RNF152: variants seen among roughly 807,000 people sequenced by gnomAD.
The protein encoded by RNF152 is E3 ubiquitin-protein ligase RNF152.
Under a neutral mutation model 12.7 loss-of-function variants are expected in RNF152, and 11 were observed. The observed-to-expected ratio is 0.86, with a 90% CI of 0.54 to 1.43. RNF152 has a LOEUF of 1.43. Ranked by LOEUF, RNF152 falls within the 40% of genes most tolerant of loss-of-function variation. RNF152 has a pLI of 0.00. For missense variants in RNF152, 255 were observed against 274.8 expected (o/e 0.93, Z 0.51); for synonymous variants, 113 against 120.3 (o/e 0.94, Z 0.40).
At chr18:61,827,927 A>C (rs1909746740) in intron 1 of RNF152, among the ~76,000 whole-genome samples, 1 of 152,236 alleles carries the variant, frequency 6.6e-6, no homozygotes, top group Non-Finnish European at 1.5e-5. Context: ...CAGCGGTGCA[A>C]CCCAACACCA....
chr18:61,832,834 A>G (rs941783149), intron 1 of RNF152, among the ~76,000 whole-genome samples: 15 of 152,242 alleles, frequency 9.9e-5, no homozygotes, highest in Non-Finnish European at 2.9e-5. Flanking sequence ...TCAATCACCA[A>G]ATAGTAATTA....
intron 1 of RNF152, among the ~76,000 whole-genome samples, chr18:61,885,330 C>T (rs1332725341): frequency 9.5e-6 from 1 of 105,448 alleles, no homozygotes. Flanking sequence ...TTGTTTGAGA[C>T]AGAGCCTCGG....
Position 61,809,320 on chromosome 18 carries a change from GCTACTGTGTT to G in RNF152, c.*6522_*6531del, listed in dbSNP as rs1399566847. On this transcript the variant is annotated 3_prime_UTR_variant, in exon 2 of 2. Transcript: ENST00000312828. ...TCCTAAAGCACAGTGTAAGGTACCA[GCTACTGTGTT>G]CTCCCACTATTTAACAGAGGTATCA... 1 of 152,024 alleles carries G rather than the reference GCTACTGTGTT, an allele frequency of 6.6e-6. No individual in the cohort carries two copies. The highest frequency in any genetic ancestry group is 1.5e-5 in the Non-Finnish European group (1 of 68,030). The allele number at this position is 152,024 out of a possible 1,614,324, so 9.4% of individuals were successfully genotyped here.
intron 1 of RNF152, among the ~76,000 whole-genome samples, chr18:61,850,447 C>T (rs1458894358): frequency 6.6e-6 from 1 of 152,120 alleles, no homozygotes; most frequent in Non-Finnish European, 1.5e-5. Context: ...TTATTCTATA[C>T]CCTTAAAATA....
rs556382199 is a variant in RNF152 at position 61,863,389 on chromosome 18, C to G, written c.-136+29406G>C. Among the ~76,000 whole-genome samples, 3 of 146,090 alleles carry G rather than the reference C, an allele frequency of 2.1e-5. No homozygotes were observed. In the Admixed American group the frequency reaches 2.1e-4, roughly 10 times the overall value. ...AGTGGAGGTTGCAGTGAGCGGCGAT[C>G]GTGCCACCGCACTCCAGCCTGGCAA... is the stretch of plus-strand genomic sequence containing the variant. On this transcript the variant is annotated intron_variant, in intron 1 of 1. Transcript: ENST00000312828.
At chr18:61,875,278 C>T (rs375681546) in intron 1 of RNF152, among the ~76,000 whole-genome samples, 1 of 152,206 alleles carries the variant, frequency 6.6e-6, no homozygotes, top group African/African-American at 2.4e-5. Context: ...CTATATGGAA[C>T]AGTCCTTAAG....
intron 1 of RNF152, among the ~76,000 whole-genome samples, chr18:61,843,550 C>T (rs576694293): frequency 6.6e-6 from 1 of 152,182 alleles, no homozygotes; most frequent in East Asian, 1.9e-4. Flanking sequence ...GGGAAAATAC[C>T]CAAATGCCCA....
chr18:61,817,873 T>G (rs912703790), intron 1 of RNF152, among the ~76,000 whole-genome samples: 1 of 152,132 alleles, frequency 6.6e-6, no homozygotes, highest in African/African-American at 2.4e-5. Flanking sequence ...TGACTCAGTT[T>G]CCCATTGAAA....
chr18:61,844,094 G>GAA (rs1568275238), intron 1 of RNF152, among the ~76,000 whole-genome samples: 1 of 110,256 alleles, frequency 9.1e-6, no homozygotes, highest in Non-Finnish European at 2.0e-5. Context: ...AAGAAAGAAA[G>GAA]AAAGAAAGAA....
At chr18:61,882,222 T>C (rs1319562157) in intron 1 of RNF152, among the ~76,000 whole-genome samples, 1 of 152,238 alleles carries the variant, frequency 6.6e-6, no homozygotes, top group Non-Finnish European at 1.5e-5. Flanking sequence ...ATCCAAAACA[T>C]AGATTAGCCT....
intron 1 of RNF152, among the ~76,000 whole-genome samples, chr18:61,817,457 G>T (rs561549542): frequency 6.6e-6 from 1 of 152,076 alleles, no homozygotes; most frequent in Admixed American, 6.6e-5. Flanking sequence ...GAATAGATAC[G>T]GTCAGCCCTT....
At chr18:61,848,528 C>A (rs978066218) in intron 1 of RNF152, among the ~76,000 whole-genome samples, 1 of 152,210 alleles carries the variant, frequency 6.6e-6, no homozygotes, top group African/African-American at 2.4e-5. Context: ...CACAGCCCCC[C>A]AGGCTGTACG....
chr18:61,866,584 C>T (rs1168789249), intron 1 of RNF152, among the ~76,000 whole-genome samples: 1 of 152,212 alleles, frequency 6.6e-6, no homozygotes, highest in African/African-American at 2.4e-5. Flanking sequence ...CCAGCCTCAT[C>T]CAACCTATGC....
chr18:61,826,009 T>C (rs780641160), intron 1 of RNF152, among the ~76,000 whole-genome samples: 2 of 152,240 alleles, frequency 1.3e-5, no homozygotes, highest in African/African-American at 2.4e-5. Flanking sequence ...ATCCAGCTTC[T>C]AGGCTTTGCG....
rs537091949 is a variant in RNF152 at position 61,859,810 on chromosome 18, T to C, written c.-136+32985A>G. 1.6e-4 allele frequency among the ~76,000 whole-genome samples: 24 copies of C among 151,016 alleles called. No individual in the cohort carries two copies. The East Asian group carries it at 4.5e-3, about 28-fold the overall frequency. On this transcript the variant is annotated intron_variant, in intron 1 of 1. Coordinates refer to ENST00000312828, the MANE Select transcript of RNF152 (RefSeq NM_173557.3). ...AGAAGAATGGCTTGAATCCAGGAGGTGGAGGTTGCAGTGAGCCGAGATTAC... is the reference window on the plus strand; with the variant it reads ...AGAAGAATGGCTTGAATCCAGGAGGCGGAGGTTGCAGTGAGCCGAGATTAC...
At chr18:61,885,721 G>T (rs1287423701) in intron 1 of RNF152, among the ~76,000 whole-genome samples, 1 of 152,138 alleles carries the variant, frequency 6.6e-6, no homozygotes, top group Non-Finnish European at 1.5e-5. Context: ...GAGTATCAAA[G>T]AAGAGTTTCT....
At chr18:61,829,280 T>C (rs1276124305) in intron 1 of RNF152, among the ~76,000 whole-genome samples, 1 of 152,128 alleles carries the variant, frequency 6.6e-6, no homozygotes, top group Non-Finnish European at 1.5e-5. Flanking sequence ...TGGTGTGCAG[T>C]GTGACAGTTC....
At chr18:61,866,429 G>A (rs1599310581) in intron 1 of RNF152, among the ~76,000 whole-genome samples, 3 of 138,430 alleles carry the variant, frequency 2.2e-5, no homozygotes, top group East Asian at 2.2e-4. Flanking sequence ...GAGAATCTGC[G>A]AGGACAAGAT....
chr18:61,863,682 A>G (rs533520165), intron 1 of RNF152, among the ~76,000 whole-genome samples: 1 of 152,302 alleles, frequency 6.6e-6, no homozygotes, highest in East Asian at 1.9e-4. Flanking sequence ...CTCAACTAGC[A>G]TGCTGTACAA....
Sources: gnomAD v4.1 joint callset for allele counts (sites outside exome capture counted in the v4.1 genomes callset) on GRCh38, gnomAD v4.1.1 for gene constraint, MANE v1.5 for transcripts, NCBI Gene and HGNC (gene_info 2026-07-23, HGNC 2026-07-21) for gene names.